Variants in PLCB4 observed in about 807,000 individuals in gnomAD.
The protein encoded by PLCB4 is 1-phosphatidylinositol 4,5-bisphosphate phosphodiesterase beta-4.
In PLCB4, 77 loss-of-function variants were observed where a neutral mutation model predicts 178.8. The ratio of observed to expected loss-of-function variants is 0.43; its 90% CI spans 0.36 to 0.52. The LOEUF (loss-of-function observed/expected upper bound fraction) is 0.52, where lower values mean the gene tolerates loss of function less well. Ranked by LOEUF, PLCB4 falls within the 20% of genes least tolerant of loss-of-function variation. The pLI, the probability that PLCB4 is intolerant of heterozygous loss-of-function variation, is 0.00. For synonymous variants in PLCB4, 496 were observed against 490.8 expected, an observed-to-expected ratio of 1.01 and a Z score of -0.14; for missense variants, 1,024 against 1,453.4, an observed-to-expected ratio of 0.70 and a Z score of 4.80.
At chr20:9,415,554 C>T (rs552943900) in intron 25 of PLCB4, among the ~76,000 whole-genome samples, 3 of 152,210 alleles carry the variant, frequency 2.0e-5, no homozygotes, top group Non-Finnish European at 4.4e-5. Flanking sequence ...TTCTCTCCCT[C>T]GCTTGCCTTC....
intron 2 of PLCB4, among the ~76,000 whole-genome samples, chr20:9,110,233 T>G (rs892207378): frequency 5.9e-5 from 9 of 152,062 alleles, no homozygotes; most frequent in Admixed American, 1.3e-4. Context: ...AAAATTAAAG[T>G]TGAAGAAGAA....
At chr20:9,257,127 C>A (rs1417910877) in intron 3 of PLCB4, among the ~76,000 whole-genome samples, 1 of 152,116 alleles carries the variant, frequency 6.6e-6, no homozygotes, top group Non-Finnish European at 1.5e-5. Flanking sequence ...CATTTTAGTT[C>A]TTAACTTGAA....
chr20:9,211,826 A>G (rs947861606), intron 2 of PLCB4, among the ~76,000 whole-genome samples: 1 of 152,238 alleles, frequency 6.6e-6, no homozygotes, highest in African/African-American at 2.4e-5. Context: ...CTCTCCATGT[A>G]CCATTGTAAA....
rs1396442853 is a variant in PLCB4, at chr20:9,307,494, T to TATATACAC, written c.-15-305_-15-304insTATACACA. On this transcript the variant is annotated intron_variant, in intron 3 of 39. Transcript: ENST00000378473. ...GTGCCTTCAGATTTTAAAAAAAGAA[T>TATATACAC]ACACACACACACACACACACACACA... Among the ~76,000 whole-genome samples, 575 of 138,148 alleles carry TATATACAC rather than the reference T, an allele frequency of 4.2e-3. 1 individual carries two copies. Among genetic ancestry groups the TATATACAC allele is most frequent in the African/African-American group, 0.012 (453 of 36,394 alleles). The allele number at this position is 138,148 out of a possible 152,430, so 90.6% of individuals were successfully genotyped here. A position where few individuals can be genotyped will look rare whatever the true frequency, so the allele number is the denominator to read the frequency against.
chr20:9,105,293 A>G (rs985574704), intron 2 of PLCB4, among the ~76,000 whole-genome samples: 1 of 152,164 alleles, frequency 6.6e-6, no homozygotes, highest in African/African-American at 2.4e-5. Context: ...TATGGTAGGA[A>G]CTAAGTAAGG....
intron 2 of PLCB4, among the ~76,000 whole-genome samples, chr20:9,214,993 G>A (rs1229771859): frequency 6.6e-6 from 1 of 152,134 alleles, no homozygotes; most frequent in Non-Finnish European, 1.5e-5. Flanking sequence ...GAAATGACTT[G>A]GGCAGCAAGT....
intron 4 of PLCB4, among the ~76,000 whole-genome samples, chr20:9,331,526 T>C (rs1489514545): frequency 1.3e-5 from 2 of 152,206 alleles, no homozygotes; most frequent in Admixed American, 1.3e-4. Context: ...ACCACTTAGC[T>C]GTATCCCCAT....
intron 2 of PLCB4, among the ~76,000 whole-genome samples, chr20:9,125,743 T>C (rs886437029): frequency 2.0e-5 from 3 of 152,230 alleles, no homozygotes; most frequent in African/African-American, 4.8e-5. Flanking sequence ...TGGGACTACC[T>C]TCCAGTGTCT....
chr20:9,351,527 T>C (rs867093958), intron 7 of PLCB4, among the ~76,000 whole-genome samples: 9 of 152,274 alleles, frequency 5.9e-5, no homozygotes, highest in Middle Eastern at 3.4e-3. Context: ...ACCATAAATA[T>C]TCTATTTATT....
intron 1 of PLCB4, among the ~76,000 whole-genome samples, chr20:9,090,709 T>C (rs557186210): frequency 6.6e-6 from 1 of 152,304 alleles, no homozygotes; most frequent in Admixed American, 6.5e-5. Flanking sequence ...GCATATTGTG[T>C]ATAAATAATT....
intron 29 of PLCB4, 71 bp from the exon 30 acceptor site, chr20:9,436,931 A>G (rs1302517346): frequency 7.0e-7 from 1 of 1,431,652 alleles, no homozygotes; most frequent in Non-Finnish European, 9.7e-7. Context: ...GATTCAGTAA[A>G]ATAAAGAATG....
chr20:9,422,068 T>C (rs761611444), intron 27 of PLCB4, among the ~76,000 whole-genome samples: 13 of 152,234 alleles, frequency 8.5e-5, no homozygotes, highest in Non-Finnish European at 1.8e-4. Flanking sequence ...TTTTTGTCTA[T>C]TGAAGATGCA....
At chr20:9,078,325 A>T (rs1035760240) in intron 1 of PLCB4, among the ~76,000 whole-genome samples, 3 of 150,520 alleles carry the variant, frequency 2.0e-5, no homozygotes, top group African/African-American at 4.9e-5. Context: ...GGACTATATA[A>T]ATTAGAAACT....
intron 1 of PLCB4, among the ~76,000 whole-genome samples, chr20:9,092,270 A>G (rs985233108): frequency 6.6e-6 from 1 of 152,068 alleles, no homozygotes; most frequent in African/African-American, 2.4e-5. Context: ...TCCGTTTTGC[A>G]TTGTTATCAT....
chr20:9,394,230 T>C (rs1474851831), intron 18 of PLCB4, among the ~76,000 whole-genome samples: 1 of 152,192 alleles, frequency 6.6e-6, no homozygotes, highest in African/African-American at 2.4e-5. Flanking sequence ...AATATTGGCA[T>C]GATTACACTT....
intron 3 of PLCB4, among the ~76,000 whole-genome samples, chr20:9,221,912 T>G (rs2093803432): frequency 1.3e-5 from 2 of 152,140 alleles, no homozygotes; most frequent in Admixed American, 1.3e-4. Context: ...CTCATCTCTT[T>G]TAGCCATCCT....
At chr20:9,160,264 T>A (rs1243838031) in intron 2 of PLCB4, among the ~76,000 whole-genome samples, 2 of 152,030 alleles carry the variant, frequency 1.3e-5, no homozygotes, top group Non-Finnish European at 1.5e-5. Context: ...CTGGGCTAGG[T>A]TTTGGAAACC....
chr20:9,359,663 C>A (rs1444009114), intron 7 of PLCB4, among the ~76,000 whole-genome samples: 2 of 152,184 alleles, frequency 1.3e-5, no homozygotes, highest in Non-Finnish European at 2.9e-5. Flanking sequence ...GAAGTCATCT[C>A]AGGAGCGTGT....
chr20:9,095,818 A>G (rs767475097), intron 1 of PLCB4, among the ~76,000 whole-genome samples: 1 of 152,170 alleles, frequency 6.6e-6, no homozygotes, highest in Non-Finnish European at 1.5e-5. Context: ...AGAAAGAGGT[A>G]GCAGCTCATA....
Sources: allele counts gnomAD v4.1 joint callset (sites outside exome capture counted in the v4.1 genomes callset), GRCh38; gene constraint gnomAD v4.1.1; transcripts MANE v1.5; gene names NCBI Gene and HGNC (gene_info 2026-07-23, HGNC 2026-07-21).